CHRM3: variants seen among roughly 807,000 people sequenced by gnomAD.
CHRM3 encodes the protein muscarinic acetylcholine receptor M3.
In CHRM3, 11 loss-of-function variants were observed where a neutral mutation model predicts 41.8. The ratio of observed to expected loss-of-function variants is 0.26; its 90% CI spans 0.17 to 0.44. The LOEUF (loss-of-function observed/expected upper bound fraction) is 0.44. Ranked by LOEUF, CHRM3 falls within the 20% of genes least tolerant of loss-of-function variation. The pLI is 1.00. For missense variants in CHRM3, 571 were observed against 745.4 expected (o/e 0.77, Z 2.72); for synonymous variants, 297 against 301.4 (o/e 0.99, Z 0.15).
Position 239,828,464 on chromosome 1 carries a change from G to A in CHRM3, c.-20+1086G>A, listed in dbSNP as rs189660099. ...TGGCATGAAGAAAAATTATTACAAA[G>A]GGTAGAGCATGAATAAGATGGCTTC... On this transcript the variant is annotated intron_variant, in intron 6 of 6. Coordinates refer to ENST00000676153, the MANE Select transcript of CHRM3 (RefSeq NM_001375978.1). Among the ~76,000 whole-genome samples the A allele has an allele frequency of 1.8e-4, 28 of 152,158 alleles. 1 individual carries two copies. Among genetic ancestry groups the A allele is most frequent in the African/African-American group, 6.7e-4 (28 of 41,518 alleles).
intron 5 of CHRM3, chr1:239,703,517 C>T (rs1660874599): frequency 6.6e-6 from 1 of 152,172 alleles, no homozygotes; most frequent in Non-Finnish European, 1.5e-5. Flanking sequence ...TTCCCCAAGA[C>T]ATATGCCCTC....
intron 5 of CHRM3, among the ~76,000 whole-genome samples, chr1:239,738,733 A>T (rs1198003060): frequency 1.3e-5 from 2 of 152,158 alleles, no homozygotes; most frequent in Admixed American, 6.5e-5. Flanking sequence ...CTTAAAATTA[A>T]CCATTTGAAC....
intron 1 of CHRM3, among the ~76,000 whole-genome samples, chr1:239,461,495 A>G (rs1368136788): frequency 6.6e-6 from 1 of 151,868 alleles, no homozygotes; most frequent in African/African-American, 2.4e-5. Flanking sequence ...CTTTCTTTCT[A>G]CTTTCCTTTA....
intron 1 of CHRM3, among the ~76,000 whole-genome samples, chr1:239,442,354 G>A (rs951309182): frequency 1.3e-5 from 2 of 151,906 alleles, no homozygotes; most frequent in South Asian, 2.1e-4. Flanking sequence ...CAATCCACCC[G>A]TCTCAGCCTC....
chr1:239,435,450 T>C (rs1169251691), intron 1 of CHRM3, among the ~76,000 whole-genome samples: 2 of 126,074 alleles, frequency 1.6e-5, no homozygotes, highest in African/African-American at 3.1e-5. Context: ...CTCTCTCTCA[T>C]AAAATTTAAA....
chr1:239,684,764 A>AAG (rs1331340359), intron 5 of CHRM3, among the ~76,000 whole-genome samples: 25 of 145,462 alleles, frequency 1.7e-4, no homozygotes, highest in East Asian at 1.4e-3. Context: ...GAAAGAAAGA[A>AAG]AGAAAGAGAA....
At chr1:239,604,777 T>G (rs1464613769) in intron 3 of CHRM3, among the ~76,000 whole-genome samples, 1 of 152,218 alleles carries the variant, frequency 6.6e-6, no homozygotes, top group African/African-American at 2.4e-5. Context: ...TTGCAGATAG[T>G]TTTCTTCTGA....
At chr1:239,703,328 G>C (rs1333617558) in intron 5 of CHRM3, 6 of 152,130 alleles carry the variant, frequency 3.9e-5, no homozygotes, top group Non-Finnish European at 2.9e-5. Flanking sequence ...GTCAATTCCA[G>C]GTTCCGTCAC....
chr1:239,833,583 C>T (rs1673063360), intron 6 of CHRM3, among the ~76,000 whole-genome samples: 1 of 152,154 alleles, frequency 6.6e-6, no homozygotes, highest in African/African-American at 2.4e-5. Flanking sequence ...GGCCTCTCCC[C>T]AAAACCTCGT....
At chr1:239,468,715 A>G (rs1665904336) in intron 1 of CHRM3, among the ~76,000 whole-genome samples, 1 of 152,210 alleles carries the variant, frequency 6.6e-6, no homozygotes, top group Admixed American at 6.5e-5. Context: ...TAATGTCATA[A>G]TATGCTTTAA....
intron 5 of CHRM3, among the ~76,000 whole-genome samples, chr1:239,806,506 A>T (rs1339017824): frequency 6.6e-6 from 1 of 152,066 alleles, no homozygotes. Flanking sequence ...TGTGCTTAGG[A>T]AAAAATAGGA....
chr1:239,550,669 C>A (rs1429576012), intron 3 of CHRM3, among the ~76,000 whole-genome samples: 2 of 152,060 alleles, frequency 1.3e-5, no homozygotes, highest in Admixed American at 6.6e-5. Flanking sequence ...ATGTTTATAT[C>A]ATTTTAAGTA....
intron 5 of CHRM3, among the ~76,000 whole-genome samples, chr1:239,697,252 T>C (rs1254538738): frequency 1.3e-5 from 2 of 152,234 alleles, no homozygotes; most frequent in East Asian, 3.9e-4. Context: ...GTTCTCATGA[T>C]AGTGAATGAG....
intron 3 of CHRM3, among the ~76,000 whole-genome samples, chr1:239,566,001 A>G (rs1248151186): frequency 7.1e-6 from 1 of 141,222 alleles, no homozygotes; most frequent in Non-Finnish European, 1.5e-5. Flanking sequence ...TGCAGCCTTG[A>G]GCTTCTGGGC....
chr1:239,869,677 G>T (rs112391718), intron 6 of CHRM3, among the ~76,000 whole-genome samples: 3 of 152,086 alleles, frequency 2.0e-5, no homozygotes, highest in African/African-American at 7.2e-5. Flanking sequence ...AGCTTATAAT[G>T]TGTACTTATT....
At chr1:239,500,675 A>G (rs1455169144) in intron 2 of CHRM3, among the ~76,000 whole-genome samples, 4 of 152,026 alleles carry the variant, frequency 2.6e-5, no homozygotes, top group African/African-American at 9.7e-5. Flanking sequence ...CAGAACTTAT[A>G]AAACAAAAAT....
chr1:239,523,681 C>G (rs1338852583), intron 2 of CHRM3, among the ~76,000 whole-genome samples: 1 of 151,976 alleles, frequency 6.6e-6, no homozygotes, highest in Non-Finnish European at 1.5e-5. Context: ...AAAAGTGTAC[C>G]CTAGGGGCAT....
At chr1:239,822,366 G>T (rs1414085483) in intron 5 of CHRM3, among the ~76,000 whole-genome samples, 1 of 152,156 alleles carries the variant, frequency 6.6e-6, no homozygotes, top group Non-Finnish European at 1.5e-5. Flanking sequence ...CTTAAAGATA[G>T]CTAAACCGAG....
At chr1:239,576,954 C>T (rs1294155620) in intron 3 of CHRM3, among the ~76,000 whole-genome samples, 1 of 152,126 alleles carries the variant, frequency 6.6e-6, no homozygotes, top group East Asian at 1.9e-4. Context: ...AGCTTTAAAG[C>T]TAGCCTACTT....
Sources: allele counts gnomAD v4.1 joint callset (sites outside exome capture counted in the v4.1 genomes callset), GRCh38; gene constraint gnomAD v4.1.1; transcripts MANE v1.5; gene names NCBI Gene and HGNC (gene_info 2026-07-23, HGNC 2026-07-21).